The following SH3YL1 variants were observed in gnomAD, a reference collection of about 807,000 sequenced individuals.
SH3YL1 encodes SH3 and SYLF domain containing 1.
Under a neutral mutation model 45.8 loss-of-function variants are expected in SH3YL1, and 41 were observed. The observed-to-expected ratio is 0.89, with a 90% CI of 0.70 to 1.16. The LOEUF (loss-of-function observed/expected upper bound fraction) is 1.16, where lower values mean the gene tolerates loss of function less well. Ranked by LOEUF, SH3YL1 falls within the 50% of genes most tolerant of loss-of-function variation. SH3YL1 has a pLI of 0.00. For missense variants in SH3YL1, 389 were observed against 409.6 expected (o/e 0.95, Z 0.43); for synonymous variants, 152 against 151.4 (o/e 1.00, Z -0.03).
chr2:242,660 A>T (rs192262718), intron 4 of SH3YL1: 2 of 1,152,900 alleles, frequency 1.7e-6, no homozygotes, highest in African/African-American at 3.2e-5. Flanking sequence ...TGATATCAAT[A>T]ATCTATTAAA....
At chr2:249,880 T>C in intron 2 of SH3YL1, 36 bp from the exon 3 acceptor site, 1 of 1,378,342 alleles carries the variant, frequency 7.3e-7, no homozygotes, top group South Asian at 1.2e-5. Flanking sequence ...GGTAAGCATT[T>C]TGATCTATGT....
At position 263,975 on chromosome 2, in the gene SH3YL1, G is replaced by T; in HGVS notation, c.1+9C>A. ...GTGCTGCCGGACAGGTGGGTCCCCG[G>T]GTACTCACTGCTGCCCGCCCGGCCG... On this transcript the variant is annotated intron_variant, in intron 1 of 9. Coordinates refer to ENST00000356150, the MANE Select transcript of SH3YL1 (RefSeq NM_015677.4). 6.7e-7 allele frequency: 1 copy of T among 1,492,454 alleles called. No individual in the cohort carries two copies. The highest frequency in any genetic ancestry group is 9.0e-7 in the Non-Finnish European group (1 of 1,117,158). 92.5% of individuals were successfully genotyped at this position (1,492,454 alleles called of 1,614,324 possible).
At chr2:244,628 G>A (rs900790051) in intron 4 of SH3YL1, 2 of 152,124 alleles carry the variant, frequency 1.3e-5, no homozygotes, top group Non-Finnish European at 2.9e-5. Context: ...AGTACTAACC[G>A]ATTACGTGTG....
At chr2:241,433 G>A (rs1395113431) in intron 4 of SH3YL1, 2 of 152,052 alleles carry the variant, frequency 1.3e-5, no homozygotes, top group Non-Finnish European at 2.9e-5. Flanking sequence ...ACCAACATAT[G>A]TGTGATGTAA....
At chr2:258,703 T>C (rs1669463081) in intron 1 of SH3YL1, among the ~76,000 whole-genome samples, 1 of 152,198 alleles carries the variant, frequency 6.6e-6, no homozygotes, top group South Asian at 2.1e-4. Flanking sequence ...TCAAGGTGTG[T>C]CCCTTCTGGG....
chr2:222,979 G>A (rs975041630), intron 9 of SH3YL1: 3 of 152,230 alleles, frequency 2.0e-5, no homozygotes, highest in African/African-American at 4.8e-5. Flanking sequence ...ATTCCGTAAC[G>A]TAAAGTGAGT....
At position 241,961 on chromosome 2, in the gene SH3YL1, C is replaced by T. The variant is rs575330468; in HGVS notation, c.291+5577G>A. 18 of 152,152 alleles carry T rather than the reference C, an allele frequency of 1.2e-4. No homozygotes were observed. In the South Asian group the frequency reaches 3.7e-3, roughly 32 times the overall value. The allele number at this position is 152,152 out of a possible 1,614,324, so 9.4% of individuals were successfully genotyped here. A position where few individuals can be genotyped will look rare whatever the true frequency, so the allele number is the denominator to read the frequency against. On this transcript the variant is annotated intron_variant, in intron 4 of 9. Transcript: ENST00000356150. ...GACTCTAGAGAGTAATTTAAATCCA[C>T]ACTTTAAAAAATCACCAGTAAAGAT...
chr2:219,600 C>A (rs777478831), intron 9 of SH3YL1, among the ~76,000 whole-genome samples: 3 of 152,070 alleles, frequency 2.0e-5, no homozygotes, highest in Non-Finnish European at 4.4e-5. Context: ...CTATGAGCTG[C>A]CCAGACTATG....
At chr2:252,698 G>A (rs758373603) in intron 2 of SH3YL1, among the ~76,000 whole-genome samples, 1 of 152,222 alleles carries the variant, frequency 6.6e-6, no homozygotes, top group Non-Finnish European at 1.5e-5. Flanking sequence ...GTCACGTGCT[G>A]TGATTAATTA....
intron 7 of SH3YL1, 127 bp from the exon 8 acceptor site, chr2:230,171 T>A (rs1489939532): frequency 6.3e-6 from 4 of 637,184 alleles, no homozygotes; most frequent in Non-Finnish European, 1.1e-5. Flanking sequence ...TGTGGCACTC[T>A]CAAAGCTCAC....
intron 2 of SH3YL1, among the ~76,000 whole-genome samples, chr2:250,546 C>T (rs1246115119): frequency 6.6e-6 from 1 of 152,118 alleles, no homozygotes; most frequent in African/African-American, 2.4e-5. Context: ...TAGTGCCACA[C>T]GATTCTGTGA....
chr2:249,783 C>T lies in SH3YL1; in HGVS notation c.174G>A (p.Leu58=), dbSNP rs1171268380. ...TCCCGCTGCCTCCTCTGGCAGTCAC[C>T]AGGAACCCGGCTTTGATCACAGACA... The part of the protein sequence containing the change: ...AILSVIKAGF[L]VTARGGSGIV... The change falls in exon 3 of 10, where the codon CTG becomes CTA. Residue 58 remains leucine, a synonymous_variant. Transcript: ENST00000356150. 5 of 1,551,992 alleles carry T rather than the reference C, an allele frequency of 3.2e-6. No homozygotes were observed. Among genetic ancestry groups the T allele is most frequent in the Middle Eastern group, 1.7e-4 (1 of 5,994 alleles).
At chr2:237,220 G>A (rs1269783194) in intron 4 of SH3YL1, among the ~76,000 whole-genome samples, 3 of 151,868 alleles carry the variant, frequency 2.0e-5, no homozygotes, top group South Asian at 4.2e-4. Flanking sequence ...TTGGTACATC[G>A]TGGTACAGTT....
At chr2:258,150 A>G (rs1174878324) in intron 1 of SH3YL1, among the ~76,000 whole-genome samples, 1 of 152,216 alleles carries the variant, frequency 6.6e-6, no homozygotes, top group Admixed American at 6.5e-5. Context: ...TCTTGGTTCC[A>G]TATGAATTTT....
rs1558229973 is a variant in SH3YL1 at position 218,950 on chromosome 2, T to C, written c.890A>G (p.Gln297Arg). ...EVTALYSFEG[Q>R]QPGDLNFQAG... is the part of the protein sequence containing the mutation. ...TTGAAAATTCAAATCCCCAGGCTGC[T>C]GTCCTTCAAATGAATACAGCGCTGT... is the stretch of plus-strand genomic sequence containing the variant. Residue 297 changes from glutamine (Q) to arginine (R), a missense_variant, in exon 10 of 10, where the codon CAG (glutamine) becomes CGG (arginine). Physicochemically the swap from Gln to Arg is conservative, Grantham distance 43. Transcript: ENST00000356150. 6.2e-7 allele frequency: 1 copy of C among 1,614,036 alleles called. No individual in the cohort carries two copies. The highest frequency in any genetic ancestry group is 8.5e-7 in the Non-Finnish European group (1 of 1,179,970).
chr2:247,050 C>G (rs771118314), intron 4 of SH3YL1, among the ~76,000 whole-genome samples: 75 of 152,332 alleles, frequency 4.9e-4, no homozygotes, highest in Admixed American at 2.7e-3. Context: ...GTCTGCCCGA[C>G]AGACGCCACA....
chr2:236,564 C>T (rs1402511621), intron 4 of SH3YL1, among the ~76,000 whole-genome samples: 1 of 152,174 alleles, frequency 6.6e-6, no homozygotes, highest in East Asian at 1.9e-4. Context: ...TTGGGCAAAT[C>T]ACTGAGCTGC....
chr2:233,732 A>G (rs577493633), intron 5 of SH3YL1, among the ~76,000 whole-genome samples: 7 of 152,332 alleles, frequency 4.6e-5, no homozygotes, highest in Middle Eastern at 3.4e-3. Context: ...TCATTAATAG[A>G]GAAGAAAAAT....
chr2:221,337 A>C (rs1245545033), intron 9 of SH3YL1, among the ~76,000 whole-genome samples: 1 of 152,174 alleles, frequency 6.6e-6, no homozygotes, highest in African/African-American at 2.4e-5. Context: ...ATCTGATGCT[A>C]TGGTTCTGGG....
Sources: allele counts gnomAD v4.1 joint callset (sites outside exome capture counted in the v4.1 genomes callset), GRCh38; gene constraint gnomAD v4.1.1; transcripts MANE v1.5; gene names NCBI Gene and HGNC (gene_info 2026-07-23, HGNC 2026-07-21).